Variants in KLHL15 observed in about 807,000 individuals in gnomAD.
KLHL15 encodes kelch-like protein 15.
A neutral mutation model predicts 29.3 loss-of-function variants in KLHL15; 1 was observed. That is an observed-to-expected ratio of 0.03 (90% CI 0.01 to 0.16). The LOEUF is 0.16. KLHL15 is among the 10% of genes least tolerant of loss of function. The pLI, the probability that KLHL15 is intolerant of heterozygous loss-of-function variation, is 1.00. For missense variants in KLHL15, 215 were observed against 478.5 expected (o/e 0.45, Z 5.14); for synonymous variants, 212 against 184.5 (o/e 1.15, Z -1.21).
intron 2 of KLHL15, among the ~76,000 whole-genome samples, chrX:24,019,485 G>T (rs1382053008): frequency 9.0e-6 from 1 of 110,638 alleles, no homozygotes; most frequent in Non-Finnish European, 1.9e-5. Context: ...CGAACTCCTG[G>T]CCTCAAGCGA....
chrX:24,001,166 T>A (rs1929307172), intron 3 of KLHL15, among the ~76,000 whole-genome samples: 1 of 111,837 alleles, frequency 8.9e-6, no homozygotes, highest in African/African-American at 3.2e-5. Flanking sequence ...GCAGAATACT[T>A]CTATATAATC....
At chrX:23,990,898 A>G (rs1356329967) in intron 3 of KLHL15, among the ~76,000 whole-genome samples, 1 of 111,565 alleles carries the variant, frequency 9.0e-6, no homozygotes, top group Admixed American at 9.6e-5. Flanking sequence ...AAGTATTTTG[A>G]AAACTGTATT....
In KLHL15 at chrX:24,023,359, C is replaced by T. The variant is rs752109720; in HGVS notation, c.-8+1498G>A. Among the ~76,000 whole-genome samples, 18 of 112,114 alleles carry T rather than the reference C, an allele frequency of 1.6e-4. No homozygotes were observed. In the East Asian group the frequency reaches 5.0e-3, roughly 31 times the overall value. ...CCAGCCACTTTGAAGTAGGCTCTTC[C>T]TTTTACTATGTAAATCCTGCCCAAC... On this transcript the variant is annotated intron_variant, in intron 2 of 3. Coordinates refer to ENST00000328046, the MANE Select transcript of KLHL15 (RefSeq NM_030624.3).
intron 3 of KLHL15, among the ~76,000 whole-genome samples, chrX:24,002,603 G>A (rs866280396): frequency 4.8e-5 from 4 of 83,728 alleles, no homozygotes; most frequent in Admixed American, 1.3e-4. Context: ...CCTAGGCTAT[G>A]TTTTTTTTTT....
intron 2 of KLHL15, among the ~76,000 whole-genome samples, chrX:24,017,685 GT>G (rs764677390): frequency 9.5e-6 from 1 of 105,511 alleles, no homozygotes; most frequent in South Asian, 4.3e-4. Flanking sequence ...GGAGGCTGAG[GT>G]CAGAGGATAA....
intron 2 of KLHL15, among the ~76,000 whole-genome samples, chrX:24,007,505 AAAAATATAT>A (rs1188486727): frequency 3.7e-4 from 21 of 56,461 alleles, no homozygotes; most frequent in South Asian, 2.5e-3. Flanking sequence ...AAAAAAAAAA[AAAAATATAT>A]ATATATATAT....
chrX:24,020,381 G>A (rs924354252), intron 2 of KLHL15, among the ~76,000 whole-genome samples: 1 of 111,840 alleles, frequency 8.9e-6, no homozygotes, highest in Admixed American at 9.5e-5. Context: ...AATATGGGAG[G>A]AGACGTTGTG....
At chrX:23,992,513 A>G (rs1157469448) in intron 3 of KLHL15, among the ~76,000 whole-genome samples, 1 of 112,074 alleles carries the variant, frequency 8.9e-6, no homozygotes, top group Non-Finnish European at 1.9e-5. Context: ...TAATGTGCAA[A>G]TGGGAGGAAG....
In KLHL15 at chrX:24,021,802, G is replaced by A. The variant is rs150124580; in HGVS notation, c.-8+3055C>T. Among the ~76,000 whole-genome samples, 232 of 108,931 alleles carry A rather than the reference G, an allele frequency of 2.1e-3. 2 individuals are homozygous for A. Among genetic ancestry groups the A allele is most frequent in the Non-Finnish European group, 2.3e-3 (121 of 52,618 alleles). 94.6% of individuals were successfully genotyped at this position (108,931 alleles called of 115,157 possible). A position where few individuals can be genotyped will look rare whatever the true frequency, so the allele number is the denominator to read the frequency against. On this transcript the variant is annotated intron_variant, in intron 2 of 3. Transcript: ENST00000328046. ...ACTGTTCTACAATGCCTCACCCATG[G>A]CTCCATCTTTCATTTCTCTTCAATA... is the stretch of plus-strand genomic sequence containing the variant.
At chrX:24,020,458 G>A (rs1425500008) in intron 2 of KLHL15, among the ~76,000 whole-genome samples, 2 of 111,369 alleles carry the variant, frequency 1.8e-5, no homozygotes, top group African/African-American at 6.5e-5. Context: ...TTATAACTCA[G>A]GACCAAATTG....
rs1355591943 is a variant in KLHL15, at chrX:24,011,895, A to G, written c.-7-5195T>C. ...CCAGGTGCGGTGGCTCACGCCTGTA[A>G]TCCCAGCATTTTGGGAGACCAAGGT... On this transcript the variant is annotated intron_variant, in intron 2 of 3. Coordinates refer to ENST00000328046, the MANE Select transcript of KLHL15 (RefSeq NM_030624.3). 6.2e-5 allele frequency among the ~76,000 whole-genome samples: 7 copies of G among 112,861 alleles called. No individual in the cohort carries two copies. In the East Asian group the frequency reaches 1.4e-3, roughly 23 times the overall value.
At chrX:24,009,366 C>A (rs773778691) in intron 2 of KLHL15, among the ~76,000 whole-genome samples, 3 of 110,380 alleles carry the variant, frequency 2.7e-5, no homozygotes, top group Non-Finnish European at 3.8e-5. Context: ...GGCATGGTGG[C>A]GGGCATCTGT....
rs374408726 is a variant in KLHL15, at chrX:24,006,132, G to A, written c.562C>T (p.His188Tyr). 9 of 1,209,770 alleles carry A rather than the reference G, an allele frequency of 7.4e-6. No homozygotes were observed. Among genetic ancestry groups the A allele is most frequent in the African/African-American group, 7.0e-5 (4 of 57,207 alleles). Residue 188 changes from histidine (H) to tyrosine (Y), a missense_variant, in exon 3 of 4, where the codon CAT (histidine) becomes TAT (tyrosine). Physicochemically the swap from His to Tyr is moderately conservative, Grantham distance 83 (BLOSUM62 2). Transcript: ENST00000328046. ...TCTATCTCTGGGAACCTGCTCAGATGATCATTATCCAAGTAAGACATGAGC... is the reference window on the plus strand; with the variant it reads ...TCTATCTCTGGGAACCTGCTCAGATAATCATTATCCAAGTAAGACATGAGC... ...EKLMSYLDND[H>Y]LSRFPEIELY...
intron 2 of KLHL15, among the ~76,000 whole-genome samples, chrX:24,019,391 G>T (rs755269004): frequency 9.0e-6 from 1 of 110,680 alleles, no homozygotes; most frequent in Non-Finnish European, 1.9e-5. Context: ...GAGTAGCTGG[G>T]ATTACAGGAG....
At chrX:23,996,206 G>A (rs1427806165) in intron 3 of KLHL15, among the ~76,000 whole-genome samples, 2 of 112,008 alleles carry the variant, frequency 1.8e-5, no homozygotes, top group Non-Finnish European at 3.8e-5. Context: ...GTGTGAACAG[G>A]CACCTCTCTG....
intron 2 of KLHL15, among the ~76,000 whole-genome samples, chrX:24,016,480 A>G (rs968307654): frequency 1.8e-5 from 2 of 109,378 alleles, no homozygotes; most frequent in African/African-American, 6.7e-5. Flanking sequence ...GCTGGCCAAC[A>G]TGGCAAAACC....
At chrX:23,990,755 T>C in intron 3 of KLHL15, among the ~76,000 whole-genome samples, 1 of 110,521 alleles carries the variant, frequency 9.0e-6, no homozygotes. Flanking sequence ...GGTGTATATA[T>C]TTATGAGCTT....
intron 2 of KLHL15, among the ~76,000 whole-genome samples, chrX:24,024,067 GGAGT>G (rs1286498427): frequency 8.9e-6 from 1 of 111,941 alleles, no homozygotes; most frequent in African/African-American, 3.2e-5. Flanking sequence ...TTAAATATTT[GGAGT>G]AAGAAAAGGG....
chrX:24,009,785 T>C (rs1440781494), intron 2 of KLHL15, among the ~76,000 whole-genome samples: 1 of 100,640 alleles, frequency 9.9e-6, no homozygotes, highest in Non-Finnish European at 2.0e-5. Context: ...AGGTCAGGAG[T>C]TCAAGACCAG....
Sources: allele counts gnomAD v4.1 joint callset (sites outside exome capture counted in the v4.1 genomes callset), GRCh38; gene constraint gnomAD v4.1.1; transcripts MANE v1.5; gene names NCBI Gene and HGNC (gene_info 2026-07-23, HGNC 2026-07-21).